The following SVOPL variants were observed in gnomAD, a reference collection of about 807,000 sequenced individuals.
SVOPL encodes the protein SVOP like.
Under a neutral mutation model 61.0 loss-of-function variants are expected in SVOPL, and 60 were observed. That is an observed-to-expected ratio of 0.98 (90% confidence interval 0.80 to 1.22). The LOEUF is 1.22. Among genes scored for constraint, SVOPL ranks in the 50% most tolerant of loss-of-function variants. The pLI is 0.00. For synonymous variants in SVOPL, 279 were observed against 250.0 expected (o/e 1.12, Z -1.09); for missense variants, 662 against 643.9 (o/e 1.03, Z -0.30).
intron 4 of SVOPL, among the ~76,000 whole-genome samples, chr7:138,671,185 C>T (rs370546567): frequency 2.0e-5 from 3 of 152,070 alleles, no homozygotes; most frequent in African/African-American, 7.2e-5. Flanking sequence ...CTGGCCCTGC[C>T]CACCTCTGCA....
At chr7:138,626,082 A>C (rs1799880456) in intron 12 of SVOPL, 32 bp from the exon 13 acceptor site, 2 of 1,610,738 alleles carry the variant, frequency 1.2e-6, no homozygotes, top group South Asian at 2.2e-5. Context: ...GAAATTATAA[A>C]AGGCAGCATG....
intron 4 of SVOPL, among the ~76,000 whole-genome samples, chr7:138,666,989 T>C (rs1165686943): frequency 6.6e-6 from 1 of 152,190 alleles, no homozygotes; most frequent in Non-Finnish European, 1.5e-5. Flanking sequence ...CCAATAAAAC[T>C]GTCCTTTCTA....
chr7:138,618,554 G>A (rs1430513426), intron 14 of SVOPL, among the ~76,000 whole-genome samples: 7 of 152,052 alleles, frequency 4.6e-5, no homozygotes, highest in East Asian at 3.9e-4. Context: ...CCAGCTATTC[G>A]GGAGGCTAAG....
chr7:138,654,022 A>G (rs1291202533), intron 7 of SVOPL, among the ~76,000 whole-genome samples: 1 of 151,642 alleles, frequency 6.6e-6, no homozygotes, highest in Non-Finnish European at 1.5e-5. Flanking sequence ...AATCTCAGGT[A>G]CTTGGGAGGC....
At chr7:138,630,188 GT>G in intron 9 of SVOPL, 66 bp from the exon 10 acceptor site, 1 of 1,335,696 alleles carries the variant, frequency 7.5e-7, no homozygotes, top group Non-Finnish European at 1.1e-6. Flanking sequence ...TGTTTCCACT[GT>G]TTTCGATCAT....
At chr7:138,677,853 C>T (rs1443507512) in intron 3 of SVOPL, among the ~76,000 whole-genome samples, 1 of 151,548 alleles carries the variant, frequency 6.6e-6, no homozygotes, top group Non-Finnish European at 1.5e-5. Context: ...ACCTCCGCCT[C>T]CTGGGTTCAA....
At chr7:138,639,619 CAAA>C (rs71179709) in intron 9 of SVOPL, among the ~76,000 whole-genome samples, 1 of 127,044 alleles carries the variant, frequency 7.9e-6, no homozygotes. Flanking sequence ...GACTCCGTCT[CAAA>C]AAAAAAAAAA....
In SVOPL at chr7:138,679,067, C is replaced by T. The variant is rs140113949; in HGVS notation, c.-22G>A. On this transcript the variant is annotated 5_prime_UTR_variant, in exon 2 of 16. Coordinates refer to ENST00000674285, the MANE Select transcript of SVOPL (RefSeq NM_001139456.2). ...CCATCTTCTAAATAGCTCAAGTTCC[C>T]CAAACAGCTTCCCTGGTGGAAGCAA... 1,757 of 1,547,488 alleles carry T rather than the reference C, an allele frequency of 1.1e-3. 11 individuals carry two copies. The African/African-American group carries it at 0.021, about 19-fold the overall frequency.
chr7:138,663,402 G>GAGGAC, intron 4 of SVOPL: 1 of 1,373,234 alleles, frequency 7.3e-7, no homozygotes, highest in Non-Finnish European at 9.4e-7. Flanking sequence ...CTTGTTGCTA[G>GAGGAC]AGGACGGCTT....
chr7:138,650,512 G>A (rs1801370757), intron 7 of SVOPL, among the ~76,000 whole-genome samples: 1 of 151,412 alleles, frequency 6.6e-6, no homozygotes. Flanking sequence ...GCTCTAGGTT[G>A]TAGAGAAAGA....
chr7:138,641,813 G>GTTATATATATA (rs1338652111), intron 9 of SVOPL, among the ~76,000 whole-genome samples: 8 of 21,870 alleles, frequency 3.7e-4, no homozygotes, highest in African/African-American at 9.8e-4. Flanking sequence ...ATATATATAT[G>GTTATATATATA]TTATATATAT....
chr7:138,614,792 G>C (rs984618705), intron 14 of SVOPL, among the ~76,000 whole-genome samples: 2 of 152,212 alleles, frequency 1.3e-5, no homozygotes, highest in African/African-American at 4.8e-5. Flanking sequence ...AGTGAGTCAG[G>C]CAAAGAGGCT....
At chr7:138,671,221 TCTCA>T (rs1248526370) in intron 4 of SVOPL, among the ~76,000 whole-genome samples, 8 of 152,178 alleles carry the variant, frequency 5.3e-5, no homozygotes, top group African/African-American at 7.2e-5. Context: ...ACTACCCCTT[TCTCA>T]CTATTTAAAC....
At chr7:138,700,499 T>C (rs1382959125) in intron 1 of SVOPL, among the ~76,000 whole-genome samples, 1 of 151,830 alleles carries the variant, frequency 6.6e-6, no homozygotes, top group African/African-American at 2.4e-5. Context: ...CCACCATGCA[T>C]GGCTAATTTT....
At chr7:138,605,640 CAAAAAAAAAAA>C (rs1159063438) in intron 14 of SVOPL, among the ~76,000 whole-genome samples, 11 of 84,288 alleles carry the variant, frequency 1.3e-4, no homozygotes, top group Non-Finnish European at 2.6e-4. Flanking sequence ...CTAACCTGGG[CAAAAAAAAAAA>C]AAAAAAAAAT....
intron 8 of SVOPL, among the ~76,000 whole-genome samples, chr7:138,645,245 C>A (rs962210504): frequency 6.6e-6 from 1 of 152,116 alleles, no homozygotes; most frequent in South Asian, 2.1e-4. Flanking sequence ...GAACAGGGGG[C>A]TCCAGCACCC....
intron 3 of SVOPL, among the ~76,000 whole-genome samples, chr7:138,674,049 G>A (rs374957487): frequency 5.9e-5 from 9 of 152,064 alleles, no homozygotes; most frequent in East Asian, 1.9e-4. Context: ...TTAGCTGGGC[G>A]TGGTGGCATG....
At chr7:138,618,462 C>T (rs1211545730) in intron 14 of SVOPL, among the ~76,000 whole-genome samples, 2 of 152,026 alleles carry the variant, frequency 1.3e-5, no homozygotes, top group African/African-American at 2.4e-5. Context: ...GAGTTTGAGA[C>T]CAGCCTGGCC....
At chr7:138,697,637 GA>G (rs1337762715) in intron 1 of SVOPL, among the ~76,000 whole-genome samples, 3 of 143,320 alleles carry the variant, frequency 2.1e-5, no homozygotes, top group African/African-American at 7.8e-5. Flanking sequence ...AAAAGAAGAA[GA>G]AGAAGTGGAA....
Sources: allele counts gnomAD v4.1 joint callset (sites outside exome capture counted in the v4.1 genomes callset), GRCh38; gene constraint gnomAD v4.1.1; transcripts MANE v1.5; gene names NCBI Gene and HGNC (gene_info 2026-07-23, HGNC 2026-07-21).